Variants in POLR2B observed in about 807,000 individuals in gnomAD.
POLR2B encodes DNA-directed RNA polymerase II subunit RPB2.
A neutral mutation model predicts 144.6 loss-of-function variants in POLR2B; 57 were observed. The observed-to-expected ratio is 0.39, with a 90% confidence interval of 0.32 to 0.49. The LOEUF (loss-of-function observed/expected upper bound fraction) is 0.49, where lower values mean the gene tolerates loss of function less well. Ranked by LOEUF, POLR2B falls within the 20% of genes least tolerant of loss-of-function variation. POLR2B has a pLI of 0.83. For missense variants in POLR2B, 595 were observed against 1,467.4 expected (o/e 0.41, Z 9.71); for synonymous variants, 442 against 469.8 (o/e 0.94, Z 0.77).
chr4:57,006,323 A>C (rs1464439880), intron 9 of POLR2B, among the ~76,000 whole-genome samples: 9 of 152,106 alleles, frequency 5.9e-5, no homozygotes, highest in Non-Finnish European at 4.4e-5. Context: ...TTGTTTATTG[A>C]GATGGAATTT....
intron 1 of POLR2B, among the ~76,000 whole-genome samples, chr4:56,983,368 GTTTTT>G (rs11315195): frequency 1.4e-5 from 1 of 71,320 alleles, no homozygotes; most frequent in African/African-American, 5.5e-5. Flanking sequence ...CTCTGCTCAG[GTTTTT>G]TTTTTTTTTT....
intron 1 of POLR2B, among the ~76,000 whole-genome samples, chr4:56,983,926 G>A (rs1159580934): frequency 4.0e-5 from 6 of 151,074 alleles, no homozygotes; most frequent in Non-Finnish European, 7.4e-5. Flanking sequence ...GTGCAGTGGC[G>A]TGATCTCGGC....
rs1270738170 is a variant in POLR2B at position 57,025,019 on chromosome 4, A to T, written c.3078+20A>T. ...AATGAGGTATATTTGCTCTTATAGTAGTAATTTGCCACTTGTTTTTTTTTG... is the reference window on the plus strand; with the variant it reads ...AATGAGGTATATTTGCTCTTATAGTTGTAATTTGCCACTTGTTTTTTTTTG... On this transcript the variant is annotated intron_variant, in intron 22 of 24. Transcript: ENST00000314595. 3 of 1,208,984 alleles carry T rather than the reference A, an allele frequency of 2.5e-6. No homozygotes were observed. In the Admixed American group the frequency reaches 6.3e-5, roughly 26 times the overall value. The allele number at this position is 1,208,984 out of a possible 1,614,324, so 74.9% of individuals were successfully genotyped here. A position where few individuals can be genotyped will look rare whatever the true frequency, so the allele number is the denominator to read the frequency against.
chr4:57,026,758 C>T (rs539840066), intron 23 of POLR2B, among the ~76,000 whole-genome samples: 155 of 151,968 alleles, frequency 1.0e-3, no homozygotes, highest in African/African-American at 3.5e-3. Flanking sequence ...GAGACTCTGT[C>T]TCGATAACAA....
intron 18 of POLR2B, among the ~76,000 whole-genome samples, chr4:57,022,984 A>T (rs564902834): frequency 2.4e-4 from 36 of 152,246 alleles, no homozygotes; most frequent in African/African-American, 8.2e-4. Context: ...ATTTAAAAAA[A>T]TTTTTCTCCT....
In POLR2B at chr4:57,002,400, TG is replaced by T. The variant is rs200118391; in HGVS notation, c.900+2620del. 5.5e-3 allele frequency among the ~76,000 whole-genome samples: 837 copies of T among 152,302 alleles called. 3 individuals are homozygous for T. Among genetic ancestry groups the T allele is most frequent in the Admixed American group, 0.014 (208 of 15,292 alleles). Reference sequence around the variant, plus strand: ...TGTATGTTGTCTTTTTGAGTATTACTGTTGGTTTTTTCAGCACTTAGGAAGC... The same window carrying T: ...TGTATGTTGTCTTTTTGAGTATTACTTTGGTTTTTTCAGCACTTAGGAAGC... On this transcript the variant is annotated intron_variant, in intron 7 of 24. Coordinates refer to ENST00000314595, the MANE Select transcript of POLR2B (RefSeq NM_000938.3).
chr4:57,019,724 C>T (rs1723479573), intron 16 of POLR2B, among the ~76,000 whole-genome samples: 1 of 150,100 alleles, frequency 6.7e-6, no homozygotes. Context: ...GTCAGCAGTC[C>T]TCAATTCAAA....
intron 7 of POLR2B, among the ~76,000 whole-genome samples, chr4:57,003,122 TCA>T (rs1452570946): frequency 6.6e-6 from 1 of 152,232 alleles, no homozygotes; most frequent in Non-Finnish European, 1.5e-5. Context: ...CAGGTCTCTT[TCA>T]CAGTGTGTTT....
At chr4:57,022,271 A>T in intron 18 of POLR2B, 25 bp downstream of exon 18, 1 of 1,430,038 alleles carries the variant, frequency 7.0e-7, no homozygotes, top group Non-Finnish European at 9.8e-7. Context: ...CATTTAAATG[A>T]TGGAATCCAA....
In POLR2B at chr4:57,027,026, T is replaced by G. The variant is rs1278527835; in HGVS notation, c.3239+1489T>G. Among the ~76,000 whole-genome samples, 3 of 152,024 alleles carry G rather than the reference T, an allele frequency of 2.0e-5. No individual in the cohort carries two copies. In the East Asian group the frequency reaches 5.8e-4, roughly 30 times the overall value. On this transcript the variant is annotated intron_variant, in intron 23 of 24. Transcript: ENST00000314595. Reference sequence around the variant, plus strand: ...GAGAGGAATATTTTGGCTTTTTTTTTGTGAGACAGTCTCACTCTGTCACCC... The same window carrying G: ...GAGAGGAATATTTTGGCTTTTTTTTGGTGAGACAGTCTCACTCTGTCACCC...
intron 7 of POLR2B, among the ~76,000 whole-genome samples, chr4:57,004,494 A>G (rs770827109): frequency 4.6e-5 from 7 of 152,144 alleles, no homozygotes; most frequent in Non-Finnish European, 7.3e-5. Flanking sequence ...GGCCTTCCAA[A>G]ATGCTAGGAT....
chr4:56,989,839 T>C (rs11947717), intron 2 of POLR2B, among the ~76,000 whole-genome samples: 9,481 of 152,224 alleles, frequency 0.062, 345 homozygotes, highest in Middle Eastern at 0.088. Context: ...TCTGTTGAGA[T>C]CCTCTTGCAC....
At chr4:56,979,669 T>G (rs1482210287) in intron 1 of POLR2B, among the ~76,000 whole-genome samples, 2 of 152,098 alleles carry the variant, frequency 1.3e-5, no homozygotes, top group Non-Finnish European at 2.9e-5. Context: ...CGTCAGCACT[T>G]TGGGAGGCCG....
At chr4:56,998,623 G>A (rs1722762417) in intron 6 of POLR2B, among the ~76,000 whole-genome samples, 1 of 152,158 alleles carries the variant, frequency 6.6e-6, no homozygotes, top group Admixed American at 6.5e-5. Flanking sequence ...CTCCCAAAGT[G>A]CCGGGATTAC....
At chr4:57,020,208 A>G (rs989736200) in intron 16 of POLR2B, among the ~76,000 whole-genome samples, 7 of 151,970 alleles carry the variant, frequency 4.6e-5, no homozygotes, top group African/African-American at 1.7e-4. Context: ...TAGTTTTTGT[A>G]TTTTTATTAG....
intron 1 of POLR2B, among the ~76,000 whole-genome samples, chr4:56,980,997 T>G (rs1334740536): frequency 6.6e-6 from 1 of 151,886 alleles, no homozygotes; most frequent in Non-Finnish European, 1.5e-5. Flanking sequence ...TAGAGATGGT[T>G]TCTCCACGTT....
At chr4:56,987,438 T>G (rs1289921589) in intron 2 of POLR2B, among the ~76,000 whole-genome samples, 1 of 152,082 alleles carries the variant, frequency 6.6e-6, no homozygotes, top group Non-Finnish European at 1.5e-5. Context: ...GACACCTGTT[T>G]TATATACAAT....
chr4:57,015,117 T>G (rs1329536286), intron 13 of POLR2B, among the ~76,000 whole-genome samples: 1 of 152,144 alleles, frequency 6.6e-6, no homozygotes, highest in East Asian at 1.9e-4. Flanking sequence ...TGGGAAAGTA[T>G]GGTCAAAGCA....
At position 57,020,988 on chromosome 4, in the gene POLR2B, T is replaced by C; in HGVS notation, c.2413T>C (p.Phe805Leu). ...GAATCGTTCAGCTGTAGACCGCGGC[T>C]TCTTCAGGTTAGTATTTTGTAAATT... is the stretch of plus-strand genomic sequence containing the variant. ...IMNRSAVDRG[F>L]FRSVFYRSYK... The change falls in exon 17 of 25, where the codon TTC becomes CTC. Residue 805 changes from phenylalanine (F) to leucine (L), a missense_variant. Phe to Leu is a conservative substitution (Grantham distance 22, BLOSUM62 0). Around this residue, in one of 9 missense-constraint regions of POLR2B, gnomAD observed 39 missense variants for 174.3 expected, o/e 0.22. Transcript: ENST00000314595. The C allele has an allele frequency of 6.4e-7, 1 of 1,557,058 alleles. No homozygotes were observed. The highest frequency in any genetic ancestry group is 1.1e-5 in the South Asian group (1 of 89,974).
Sources: gnomAD v4.1 joint callset for allele counts (sites outside exome capture counted in the v4.1 genomes callset) on GRCh38, gnomAD v4.1.1 for gene constraint, gnomAD v4.1.1 regional missense constraint, MANE v1.5 for transcripts, NCBI Gene and HGNC (gene_info 2026-07-23, HGNC 2026-07-21) for gene names.